FHAD1: variants seen among roughly 807,000 people sequenced by gnomAD.
FHAD1 encodes forkhead-associated domain-containing protein 1.
In FHAD1, 146 loss-of-function variants were observed where a neutral mutation model predicts 191.3. That is an observed-to-expected ratio of 0.76 (90% CI 0.67 to 0.88). The LOEUF is 0.88. FHAD1 is among the 40% of genes least tolerant of loss of function. The pLI is 0.00. For synonymous variants in FHAD1, 616 were observed against 672.3 expected, an observed-to-expected ratio of 0.92 and a Z score of 1.29; for missense variants, 1,635 against 1,785.8, an observed-to-expected ratio of 0.92 and a Z score of 1.52.
Position 15,296,913 on chromosome 1 carries a change from C to T in FHAD1, c.678+120C>T, listed in dbSNP as rs1456031955. On this transcript the variant is annotated intron_variant, in intron 5 of 33. Transcript: ENST00000688493. The stretch of plus-strand genomic sequence containing the variant: ...TTATCCTGCTTCCAAGAAACCACCT[C>T]TTACTCCCCAAGACATTCAACCAAA... 2.1e-5 allele frequency: 15 copies of T among 706,258 alleles called. No homozygotes were observed. In the African/African-American group the frequency reaches 2.3e-4, roughly 11 times the overall value. The allele number at this position is 706,258 out of a possible 1,614,324, so 43.7% of individuals were successfully genotyped here. A position where few individuals can be genotyped will look rare whatever the true frequency, so the allele number is the denominator to read the frequency against.
chr1:15,284,072 A>C (rs971577148), intron 3 of FHAD1, among the ~76,000 whole-genome samples: 4 of 152,098 alleles, frequency 2.6e-5, no homozygotes, highest in African/African-American at 9.7e-5. Context: ...ATGTGGGTAA[A>C]AATGCTTCCC....
At chr1:15,296,592 GA>G (rs1558035323) in intron 4 of FHAD1, 91 bp from the exon 5 acceptor site, 2 of 1,142,464 alleles carry the variant, frequency 1.8e-6, no homozygotes, top group East Asian at 2.6e-5. Context: ...TCTCTGGGGG[GA>G]AACAAACAGG....
intron 21 of FHAD1, among the ~76,000 whole-genome samples, chr1:15,359,143 G>C (rs1227899615): frequency 6.6e-6 from 1 of 152,120 alleles, no homozygotes; most frequent in Non-Finnish European, 1.5e-5. Context: ...GTCATGGTGG[G>C]GGGTTCTCTT....
intron 28 of FHAD1, among the ~76,000 whole-genome samples, chr1:15,379,163 G>A (rs1039678036): frequency 1.3e-5 from 2 of 152,154 alleles, no homozygotes; most frequent in African/African-American, 2.4e-5. Flanking sequence ...GGAGGATCCC[G>A]CCAGCCTCTG....
intron 31 of FHAD1, 35 bp downstream of exon 31, chr1:15,382,228 G>GCTGC (rs1701079774): frequency 6.5e-7 from 1 of 1,544,530 alleles, no homozygotes; most frequent in East Asian, 2.5e-5. Flanking sequence ...AACCTCCCAG[G>GCTGC]CTGCCCTGCA....
chr1:15,338,039 C>T (rs1401790409), intron 14 of FHAD1, among the ~76,000 whole-genome samples: 1 of 152,140 alleles, frequency 6.6e-6, no homozygotes, highest in African/African-American at 2.4e-5. Context: ...TCCATGCCTC[C>T]TCCACTGTCT....
intron 21 of FHAD1, 53 bp downstream of exon 21, chr1:15,358,336 C>T (rs1044183410): frequency 6.1e-6 from 9 of 1,485,620 alleles, no homozygotes; most frequent in South Asian, 1.3e-5. Flanking sequence ...TGGAAGATTA[C>T]AGTGCCACGA....
intron 31 of FHAD1, chr1:15,384,140 A>G (rs1701572318): frequency 5.6e-6 from 1 of 179,840 alleles, no homozygotes; most frequent in Non-Finnish European, 1.2e-5. Context: ...TCCACCAACC[A>G]GGTGAGCTCC....
chr1:15,344,543 GCA>G (rs994147883), intron 16 of FHAD1, among the ~76,000 whole-genome samples: 9 of 152,324 alleles, frequency 5.9e-5, no homozygotes, highest in Admixed American at 5.2e-4. Flanking sequence ...TACACAGCAA[GCA>G]CAGTGTTCCA....
chr1:15,247,619 C>A (rs1432359785), intron 1 of FHAD1, among the ~76,000 whole-genome samples: 1 of 152,146 alleles, frequency 6.6e-6, no homozygotes, highest in African/African-American at 2.4e-5. Context: ...GAGCCTTAGA[C>A]CCTCCTTGGC....
Position 15,266,836 on chromosome 1 carries a change from A to G in FHAD1, c.94-5487A>G, listed in dbSNP as rs140800401. The stretch of plus-strand genomic sequence containing the variant: ...AAGTTTCATGTAGTTGAAATCATAC[A>G]ATATGTAGCCCTTTTAGATTAGCTT... On this transcript the variant is annotated intron_variant, in intron 2 of 33. Coordinates refer to ENST00000688493, the MANE Select transcript of FHAD1 (RefSeq NM_001391957.1). 9.2e-3 allele frequency among the ~76,000 whole-genome samples: 1,403 copies of G among 152,300 alleles called. 17 individuals are homozygous for G. Among genetic ancestry groups the G allele is most frequent in the African/African-American group, 0.031 (1,301 of 41,546 alleles).
chr1:15,307,700 C>T (rs991992306), intron 6 of FHAD1, among the ~76,000 whole-genome samples: 1 of 151,994 alleles, frequency 6.6e-6, no homozygotes, highest in African/African-American at 2.4e-5. Flanking sequence ...CCTCCCCAGC[C>T]AGTGAAACTG....
At chr1:15,307,589 C>T (rs1201988990) in intron 6 of FHAD1, among the ~76,000 whole-genome samples, 1 of 152,168 alleles carries the variant, frequency 6.6e-6, no homozygotes, top group Non-Finnish European at 1.5e-5. Context: ...TCATGCTGTT[C>T]TAGTTACAGG....
At chr1:15,245,857 C>T (rs139441623), upstream of FHAD1, among the ~76,000 whole-genome samples, 3 of 152,282 alleles carry the variant, frequency 2.0e-5, no homozygotes, top group Admixed American at 6.5e-5. Flanking sequence ...CCCAGAAGTC[C>T]GCATTTCTAA....
At chr1:15,283,688 T>TG (rs1332839216) in intron 3 of FHAD1, among the ~76,000 whole-genome samples, 4 of 152,080 alleles carry the variant, frequency 2.6e-5, no homozygotes, top group African/African-American at 9.7e-5. Context: ...CAGCCCTGCC[T>TG]GGGGGGAGAC....
At chr1:15,336,006 G>A (rs1420406879) in intron 14 of FHAD1, among the ~76,000 whole-genome samples, 1 of 152,120 alleles carries the variant, frequency 6.6e-6, no homozygotes, top group Non-Finnish European at 1.5e-5. Context: ...CAGGTCCAGT[G>A]GGCCAAGCCA....
chr1:15,250,297 C>T (rs1281634044), intron 1 of FHAD1, among the ~76,000 whole-genome samples: 1 of 152,236 alleles, frequency 6.6e-6, no homozygotes, highest in Non-Finnish European at 1.5e-5. Flanking sequence ...TATTTTAGAA[C>T]TTTCTGAAGT....
At chr1:15,302,514 A>G (rs529376031) in intron 6 of FHAD1, among the ~76,000 whole-genome samples, 1 of 152,248 alleles carries the variant, frequency 6.6e-6, no homozygotes, top group African/African-American at 2.4e-5. Flanking sequence ...TCACAAGGTC[A>G]GGAGATCAAG....
At chr1:15,366,586 G>A (rs989226579) in intron 24 of FHAD1, among the ~76,000 whole-genome samples, 2 of 152,198 alleles carry the variant, frequency 1.3e-5, no homozygotes, top group Non-Finnish European at 2.9e-5. Flanking sequence ...CCTGCAGCAG[G>A]CCAGTTTGCA....
Sources: allele counts gnomAD v4.1 joint callset (sites outside exome capture counted in the v4.1 genomes callset), GRCh38; gene constraint gnomAD v4.1.1; transcripts MANE v1.5; gene names NCBI Gene and HGNC (gene_info 2026-07-23, HGNC 2026-07-21).